Variants in KIF5B observed in about 807,000 individuals in gnomAD.
KIF5B encodes kinesin-1 heavy chain.
KIF5B carries 49 observed loss-of-function variants against 132.8 expected under a neutral mutation model. That is an observed-to-expected ratio of 0.37 (90% CI 0.29 to 0.47). KIF5B has a LOEUF of 0.47. KIF5B is among the 20% of genes least tolerant of loss of function. The pLI, the probability that KIF5B is intolerant of heterozygous loss-of-function variation, is 1.00. For missense variants in KIF5B, 780 were observed against 1,144.0 expected (o/e 0.68, Z 4.59); for synonymous variants, 355 against 369.4 (o/e 0.96, Z 0.45).
At chr10:32,024,155 T>C (rs1184244826) in intron 15 of KIF5B, among the ~76,000 whole-genome samples, 1 of 122,110 alleles carries the variant, frequency 8.2e-6, no homozygotes, top group Non-Finnish European at 1.7e-5. Context: ...TCTTTTTTTT[T>C]TTTTTTTTTT....
chr10:32,035,996 T>A lies in KIF5B; in HGVS notation c.712-2A>T. On this transcript the variant is annotated splice_acceptor_variant, in intron 8 of 25. Coordinates refer to ENST00000302418, the MANE Select transcript of KIF5B (RefSeq NM_004521.3). LOFTEE classifies it high-confidence loss of function. Reference sequence around the variant, plus strand: ...ACCTTCAGCTCCAGTTTTACTAACCTATACATAAGATTTCAAAAGAATGAA... The same window carrying A: ...ACCTTCAGCTCCAGTTTTACTAACCAATACATAAGATTTCAAAAGAATGAA... 6.5e-7 allele frequency: 1 copy of A among 1,536,450 alleles called. No homozygotes were observed. The highest frequency in any genetic ancestry group is 8.8e-7 in the Non-Finnish European group (1 of 1,139,816).
At chr10:32,055,541 C>G (rs1841744356) in intron 1 of KIF5B, among the ~76,000 whole-genome samples, 3 of 151,996 alleles carry the variant, frequency 2.0e-5, no homozygotes. Context: ...CACACACACA[C>G]GCAGACAAAC....
intron 2 of KIF5B, 32 bp downstream of exon 2, chr10:32,048,432 C>T: frequency 7.0e-7 from 1 of 1,427,284 alleles, no homozygotes; most frequent in Non-Finnish European, 9.7e-7. Context: ...TTACTTATTG[C>T]TGAGACAACT....
At position 32,034,900 on chromosome 10, in the gene KIF5B, A is replaced by G. The variant is rs541154390; in HGVS notation, c.963-62T>C. 80 of 1,271,724 alleles carry G rather than the reference A, an allele frequency of 6.3e-5. No individual in the cohort carries two copies. The African/African-American group carries it at 1.1e-3, about 18-fold the overall frequency. 78.8% of individuals were successfully genotyped at this position (1,271,724 alleles called of 1,614,324 possible). On this transcript the variant is annotated intron_variant, in intron 10 of 25. Transcript: ENST00000302418. Reference sequence around the variant, plus strand: ...TGAAATTATTTTTAATTTTATCTATATGGAATATATGTATATATGGCTAAG... The same window carrying G: ...TGAAATTATTTTTAATTTTATCTATGTGGAATATATGTATATATGGCTAAG...
intron 15 of KIF5B, among the ~76,000 whole-genome samples, chr10:32,025,034 G>A (rs561122108): frequency 6.6e-6 from 1 of 152,246 alleles, no homozygotes; most frequent in South Asian, 2.1e-4. Flanking sequence ...CCAAAATCAC[G>A]CCACTGCACT....
chr10:32,037,693 C>T (rs1298255098), intron 6 of KIF5B, 86 bp from the exon 7 acceptor site: 20 of 988,504 alleles, frequency 2.0e-5, no homozygotes, highest in Non-Finnish European at 2.6e-5. Flanking sequence ...ATTAGCCGGG[C>T]GCGGTGGCGG....
chr10:32,035,790 T>C (rs1007876436), intron 9 of KIF5B, 100 bp downstream of exon 9: 27 of 1,254,304 alleles, frequency 2.2e-5, no homozygotes, highest in Admixed American at 1.6e-4. Context: ...CAATCTCTCT[T>C]TCTCTCTCTC....
rs531671649 is a variant in KIF5B, at chr10:32,039,134, A to T, written c.393+193T>A. ...TTTGAAGGAGGCTAAAGACTTAATC[A>T]TTTACGTTAGTTAACATTCCTGTTC... On this transcript the variant is annotated intron_variant, in intron 4 of 25. Coordinates refer to ENST00000302418, the MANE Select transcript of KIF5B (RefSeq NM_004521.3). 2.6e-5 allele frequency among the ~76,000 whole-genome samples: 4 copies of T among 152,312 alleles called. No homozygotes were observed. In the East Asian group the frequency reaches 7.7e-4, roughly 29 times the overall value.
chr10:32,050,484 A>G (rs1473911837), intron 1 of KIF5B, among the ~76,000 whole-genome samples: 3 of 152,232 alleles, frequency 2.0e-5, no homozygotes, highest in Non-Finnish European at 4.4e-5. Flanking sequence ...TGTAGCATCC[A>G]TCTTGCAAAT....
At position 32,034,742 on chromosome 10, in the gene KIF5B, G is replaced by A. The variant is rs762848647; in HGVS notation, c.1059C>T (p.Ile353=). 6 of 1,608,816 alleles carry A rather than the reference G, an allele frequency of 3.7e-6. No individual in the cohort carries two copies. In the African/African-American group the frequency reaches 8.1e-5, roughly 22 times the overall value. The change falls in exon 11 of 26, where the codon ATC becomes ATT. Residue 353 remains isoleucine (I), a synonymous_variant. Coordinates refer to ENST00000302418, the MANE Select transcript of KIF5B (RefSeq NM_004521.3). ...KYEKEKEKNK[I]LRNTIQWLEN... is the part of the protein sequence containing the mutation. ...CAAGCCACTGAATAGTGTTCCGCAGGATCTTATTTTTTTCTTTTTCTTTTT... is the reference window on the plus strand; with the variant it reads ...CAAGCCACTGAATAGTGTTCCGCAGAATCTTATTTTTTTCTTTTTCTTTTT...
intron 10 of KIF5B, 96 bp from the exon 11 acceptor site, chr10:32,034,934 G>T: frequency 2.3e-6 from 2 of 880,586 alleles, no homozygotes; most frequent in Non-Finnish European, 3.1e-6. Context: ...AGAAACTTAT[G>T]CTTGTCCAGT....
At chr10:32,025,635 CG>C (rs35424711) in intron 15 of KIF5B, among the ~76,000 whole-genome samples, 33,203 of 152,146 alleles carry the variant, frequency 0.22, 4,525 homozygotes, top group Non-Finnish European at 0.29. Flanking sequence ...CTCGGCCTCC[CG>C]AAGTGCTGGG....
In KIF5B at chr10:32,009,290, TGA is replaced by T. The variant is rs1224311907; in HGVS notation, c.*2245_*2246del. The T allele has an allele frequency of 1.3e-5, 2 of 152,210 alleles. No homozygotes were observed. Among genetic ancestry groups the T allele is most frequent in the African/African-American group, 2.4e-5 (1 of 41,444 alleles). 9.4% of individuals were successfully genotyped at this position (152,210 alleles called of 1,614,324 possible). A position where few individuals can be genotyped will look rare whatever the true frequency, so the allele number is the denominator to read the frequency against. On this transcript the variant is annotated 3_prime_UTR_variant, in exon 26 of 26. Coordinates refer to ENST00000302418, the MANE Select transcript of KIF5B (RefSeq NM_004521.3). ...TGAATAAATATTCTCTTTATTTCAT[TGA>T]GTTTCTCTTCTGAACCATCTATCAA... is the stretch of plus-strand genomic sequence containing the variant.
At chr10:32,020,953 A>G in intron 19 of KIF5B, 69 bp downstream of exon 19, 1 of 769,582 alleles carries the variant, frequency 1.3e-6, no homozygotes, top group Non-Finnish European at 2.1e-6. Context: ...GCAGGTTTCT[A>G]ATAAGAATAT....
At chr10:32,038,250 C>G (rs1424297306) in intron 5 of KIF5B, 32 bp from the exon 6 acceptor site, 3 of 1,457,874 alleles carry the variant, frequency 2.1e-6, no homozygotes, top group Non-Finnish European at 2.9e-6. Flanking sequence ...TAGCAACATT[C>G]TCCTAAAACT....
intron 1 of KIF5B, among the ~76,000 whole-genome samples, chr10:32,054,631 T>G (rs747598914): frequency 1.3e-5 from 2 of 152,170 alleles, no homozygotes; most frequent in African/African-American, 2.4e-5. Flanking sequence ...AACTATAGAA[T>G]GACATTAGAG....
At chr10:32,015,392 T>G (rs1441350403) in intron 25 of KIF5B, 117 bp downstream of exon 25, 1 of 707,302 alleles carries the variant, frequency 1.4e-6, no homozygotes, top group African/African-American at 1.8e-5. Flanking sequence ...ATTACTTTTA[T>G]AATGCTTAAG....
At position 32,031,184 on chromosome 10, in the gene KIF5B, TTC is replaced by T; in HGVS notation, c.1468_1469del (p.Glu490SerfsTer13). 6.2e-7 allele frequency: 1 copy of T among 1,614,044 alleles called. No homozygotes were observed. Among genetic ancestry groups the T allele is most frequent in the Non-Finnish European group, 8.5e-7 (1 of 1,179,930 alleles). ...CAAGTTCTTCTAGGGCCTGTAAAACTTCTTTCACTTCTTCTTTAGAGGCATCA... is the reference window on the plus strand; with the variant it reads ...CAAGTTCTTCTAGGGCCTGTAAAACTTTTCACTTCTTCTTTAGAGGCATCA... ...ENDASKEEVK[E>X]VLQALEELAV... On this transcript the variant is annotated frameshift_variant, in exon 14 of 26. Transcript: ENST00000302418. LOFTEE classifies it high-confidence loss of function.
In KIF5B at chr10:32,036,003, A is replaced by G; in HGVS notation, c.712-9T>C. 2.7e-6 allele frequency: 4 copies of G among 1,506,534 alleles called. No individual in the cohort carries two copies. Among genetic ancestry groups the G allele is most frequent in the Non-Finnish European group, 3.6e-6 (4 of 1,115,504 alleles). 93.3% of individuals were successfully genotyped at this position (1,506,534 alleles called of 1,614,324 possible). A position where few individuals can be genotyped will look rare whatever the true frequency, so the allele number is the denominator to read the frequency against. On this transcript the variant is annotated splice_polypyrimidine_tract_variant and intron_variant, in intron 8 of 25. Transcript: ENST00000302418. ...GCTCCAGTTTTACTAACCTATACAT[A>G]AGATTTCAAAAGAATGAAACAAAAT... is the stretch of plus-strand genomic sequence containing the variant.
Sources: gnomAD v4.1 joint callset for allele counts (sites outside exome capture counted in the v4.1 genomes callset) on GRCh38, gnomAD v4.1.1 for gene constraint, MANE v1.5 for transcripts, NCBI Gene and HGNC (gene_info 2026-07-23, HGNC 2026-07-21) for gene names.